The following IQCH variants were observed in gnomAD, a reference collection of about 807,000 sequenced individuals.
The protein encoded by IQCH is IQ motif containing H, also known as IQ domain-containing protein H.
IQCH carries 98 observed loss-of-function variants against 117.0 expected under a neutral mutation model. The ratio of observed to expected loss-of-function variants is 0.84; its 90% CI spans 0.71 to 0.99. IQCH has a LOEUF of 0.99. Among genes scored for constraint, IQCH ranks in the 50% least tolerant of loss-of-function variants. IQCH has a pLI of 0.00. For missense variants in IQCH, 1,102 were observed against 1,243.8 expected (o/e 0.89, Z 1.72); for synonymous variants, 412 against 448.2 (o/e 0.92, Z 1.02).
chr15:67,308,769 T>C (rs1332978583), intron 4 of IQCH, among the ~76,000 whole-genome samples: 1 of 152,056 alleles, frequency 6.6e-6, no homozygotes, highest in Non-Finnish European at 1.5e-5. Context: ...TTTGGAATAA[T>C]GGGAAAGCTG....
rs765095228 is a variant in IQCH at position 67,359,836 on chromosome 15, C to T, written c.715-11C>T. On this transcript the variant is annotated splice_polypyrimidine_tract_variant and intron_variant, in intron 7 of 20. Coordinates refer to ENST00000335894, the MANE Select transcript of IQCH (RefSeq NM_001031715.3). This position sits in a 1 kb window ranked among gnomAD's most constrained non-coding sequence, Gnocchi z 4.5. ...GTTTTGATTTAAACTGTGTCTCATT[C>T]TTCATTGTAGGGGAAAAGCAGAAGG... is the stretch of plus-strand genomic sequence containing the variant. The T allele has an allele frequency of 2.6e-5, 36 of 1,388,054 alleles. No individual in the cohort carries two copies. Among genetic ancestry groups the T allele is most frequent in the Admixed American group, 1.9e-4 (11 of 56,838 alleles). 86.0% of individuals were successfully genotyped at this position (1,388,054 alleles called of 1,614,324 possible).
chr15:67,394,882 T>C (rs1209619094), intron 12 of IQCH, among the ~76,000 whole-genome samples: 1 of 152,212 alleles, frequency 6.6e-6, no homozygotes, highest in African/African-American at 2.4e-5. Context: ...GGTAGGAATT[T>C]ATAAAGTAAA....
At chr15:67,284,422 C>T (rs917859319) in intron 4 of IQCH, among the ~76,000 whole-genome samples, 2 of 152,068 alleles carry the variant, frequency 1.3e-5, no homozygotes, top group Non-Finnish European at 2.9e-5. Context: ...ATATGTACCA[C>T]TTTTTCTTTA....
chr15:67,489,620 C>G (rs895387161), intron 18 of IQCH, among the ~76,000 whole-genome samples: 5 of 152,078 alleles, frequency 3.3e-5, no homozygotes, highest in Non-Finnish European at 7.4e-5. Context: ...CCAGCCTCCC[C>G]TATATTTTTT....
At chr15:67,264,793 T>C (rs544330332) in intron 3 of IQCH, among the ~76,000 whole-genome samples, 1 of 151,918 alleles carries the variant, frequency 6.6e-6, no homozygotes, top group South Asian at 2.1e-4. Context: ...AATACCACTG[T>C]ACTCCTCTAT....
intron 6 of IQCH, among the ~76,000 whole-genome samples, chr15:67,344,838 A>G (rs1469128434): frequency 1.3e-5 from 2 of 152,240 alleles, no homozygotes; most frequent in African/African-American, 4.8e-5. Flanking sequence ...CAATTAAAAG[A>G]CAGAGATTGT....
Position 67,501,199 on chromosome 15 carries a change from ATGCCTTTT to A in IQCH, c.*455_*462del, listed in dbSNP as rs1221938288. On this transcript the variant is annotated 3_prime_UTR_variant, in exon 21 of 21. Coordinates refer to ENST00000335894, the MANE Select transcript of IQCH (RefSeq NM_001031715.3). This position sits in a 1 kb window ranked among gnomAD's most constrained non-coding sequence, Gnocchi z 5.2. The stretch of plus-strand genomic sequence containing the variant: ...AGAATTGCTATTTGTCAAAACACAA[ATGCCTTTT>A]TTTCAAAGCTTCAAATTATATTGAA... 1 of 152,212 alleles carries A rather than the reference ATGCCTTTT, an allele frequency of 6.6e-6. No individual in the cohort carries two copies. The highest frequency in any genetic ancestry group is 6.5e-5 in the Admixed American group (1 of 15,286). The allele number at this position is 152,212 out of a possible 1,614,324, so 9.4% of individuals were successfully genotyped here.
At chr15:67,290,659 C>T (rs1212838712) in intron 4 of IQCH, among the ~76,000 whole-genome samples, 1 of 152,114 alleles carries the variant, frequency 6.6e-6, no homozygotes, top group Non-Finnish European at 1.5e-5. Flanking sequence ...AGGCTTTACG[C>T]TTAACCTAAT....
In IQCH at chr15:67,359,927, C is replaced by G. The variant is rs1260818503; in HGVS notation, c.753+42C>G. ...ACTAGTTGAAATTTAGGGTCTGTCA[C>G]CTGATGTCCCTTCCTTTTGCTGCAG... On this transcript the variant is annotated intron_variant, in intron 8 of 20. Coordinates refer to ENST00000335894, the MANE Select transcript of IQCH (RefSeq NM_001031715.3). This position sits in a 1 kb window ranked among gnomAD's most constrained non-coding sequence, Gnocchi z 4.5. 2 of 1,490,930 alleles carry G rather than the reference C, an allele frequency of 1.3e-6. No homozygotes were observed. The highest frequency in any genetic ancestry group is 1.7e-5 in the Admixed American group (1 of 59,764). 92.4% of individuals were successfully genotyped at this position (1,490,930 alleles called of 1,614,324 possible).
At chr15:67,421,953 G>C (rs930352680) in intron 16 of IQCH, among the ~76,000 whole-genome samples, 1 of 152,140 alleles carries the variant, frequency 6.6e-6, no homozygotes, top group Non-Finnish European at 1.5e-5. Context: ...ACAAAAATTA[G>C]CTGGGCCTGG....
At chr15:67,269,062 A>G (rs536325200) in intron 3 of IQCH, among the ~76,000 whole-genome samples, 31 of 151,996 alleles carry the variant, frequency 2.0e-4, no homozygotes, top group Non-Finnish European at 4.4e-4. Context: ...ACAGAAGGGC[A>G]TCAACAGACC....
At chr15:67,362,954 G>A (rs1182695350) in intron 8 of IQCH, among the ~76,000 whole-genome samples, 1 of 152,250 alleles carries the variant, frequency 6.6e-6, no homozygotes. Context: ...CTCCCTGGCT[G>A]ACTTTGCTCC....
intron 5 of IQCH, among the ~76,000 whole-genome samples, chr15:67,343,569 C>A (rs1222083225): frequency 1.3e-5 from 2 of 152,132 alleles, no homozygotes; most frequent in Non-Finnish European, 2.9e-5. Context: ...ATTAATGTTT[C>A]TGGTGATATG....
At chr15:67,295,411 A>G (rs1249062789) in intron 4 of IQCH, among the ~76,000 whole-genome samples, 2 of 152,202 alleles carry the variant, frequency 1.3e-5, no homozygotes, top group Non-Finnish European at 2.9e-5. Context: ...CTTTCAGGAA[A>G]TGTTCTAAAA....
chr15:67,343,335 C>T (rs1432942681), intron 5 of IQCH, among the ~76,000 whole-genome samples: 1 of 152,198 alleles, frequency 6.6e-6, no homozygotes, highest in Non-Finnish European at 1.5e-5. Flanking sequence ...AGGTTTCTGG[C>T]TTCAACACAG....
rs1019745457 is a variant in IQCH at position 67,436,603 on chromosome 15, A to G, written c.2505+15026A>G. Among the ~76,000 whole-genome samples, 34 of 152,210 alleles carry G rather than the reference A, an allele frequency of 2.2e-4. No homozygotes were observed. Among genetic ancestry groups the G allele is most frequent in the Admixed American group, 6.5e-4 (10 of 15,280 alleles). On this transcript the variant is annotated intron_variant, in intron 16 of 20. Coordinates refer to ENST00000335894, the MANE Select transcript of IQCH (RefSeq NM_001031715.3). The surrounding 1 kb of genome is among the most constrained non-coding windows in gnomAD (Gnocchi z 5.1). ...AGGGGAGGGCACAAATCCGGTGTGCAGACTCCATAGGCAGGGGAAGAACCA... is the reference window on the plus strand; with the variant it reads ...AGGGGAGGGCACAAATCCGGTGTGCGGACTCCATAGGCAGGGGAAGAACCA...
intron 4 of IQCH, among the ~76,000 whole-genome samples, chr15:67,299,415 A>C (rs887437604): frequency 2.6e-5 from 4 of 152,286 alleles, no homozygotes; most frequent in Admixed American, 2.0e-4. Flanking sequence ...TTTATTGTAC[A>C]TTTAAAAATA....
At chr15:67,327,373 ATATTTT>A (rs1968458080) in intron 4 of IQCH, among the ~76,000 whole-genome samples, 1 of 152,174 alleles carries the variant, frequency 6.6e-6, no homozygotes, top group African/African-American at 2.4e-5. Flanking sequence ...CAATGTCTGA[ATATTTT>A]GATACTCCAT....
At position 67,393,876 on chromosome 15, in the gene IQCH, C is replaced by A. The variant is rs914839705; in HGVS notation, c.1633-1415C>A. Among the ~76,000 whole-genome samples the A allele has an allele frequency of 2.0e-5, 3 of 152,042 alleles. No individual in the cohort carries two copies. Among genetic ancestry groups the A allele is most frequent in the Non-Finnish European group, 4.4e-5 (3 of 68,014 alleles). ...ATAACTATTACCATTTGTTGAGTAT[C>A]AATGCTGTGTATTATACTAGGTATT... is the stretch of plus-strand genomic sequence containing the variant. On this transcript the variant is annotated intron_variant, in intron 12 of 20. Transcript: ENST00000335894. The surrounding 1 kb of genome is among the most constrained non-coding windows in gnomAD (Gnocchi z 5.5).
Sources: gnomAD v4.1 joint callset for allele counts (sites outside exome capture counted in the v4.1 genomes callset) on GRCh38, gnomAD v4.1.1 for gene constraint, Gnocchi (gnomAD v3.1) non-coding constraint, MANE v1.5 for transcripts, NCBI Gene and HGNC (gene_info 2026-07-23, HGNC 2026-07-21) for gene names.